Variants in PPP4R3B observed in about 807,000 individuals in gnomAD.
The protein encoded by PPP4R3B is protein phosphatase 4 regulatory subunit 3B, also known as serine/threonine-protein phosphatase 4 regulatory subunit 3B.
A neutral mutation model predicts 95.4 loss-of-function variants in PPP4R3B; 52 were observed. The ratio of observed to expected loss-of-function variants is 0.54; its 90% CI spans 0.44 to 0.69. PPP4R3B has a LOEUF of 0.69. Among genes scored for constraint, PPP4R3B ranks in the 30% least tolerant of loss-of-function variants. PPP4R3B has a pLI of 0.00. For synonymous variants in PPP4R3B, 407 were observed against 343.9 expected (o/e 1.18, Z -2.03); for missense variants, 1,003 against 1,005.9 (o/e 1.00, Z 0.04).
At chr2:55,573,583 T>C in intron 12 of PPP4R3B, 36 bp downstream of exon 12, 1 of 1,511,248 alleles carries the variant, frequency 6.6e-7, no homozygotes, top group Non-Finnish European at 8.8e-7. Flanking sequence ...TTTATCTCTA[T>C]TAAAAATGTT....
chr2:55,552,575 G>A (rs776994332), intron 16 of PPP4R3B, among the ~76,000 whole-genome samples: 12 of 152,198 alleles, frequency 7.9e-5, no homozygotes, highest in Non-Finnish European at 1.3e-4. Flanking sequence ...TGTATTTTTA[G>A]TAGAGATGGG....
chr2:55,572,892 T>G (rs936266656), intron 12 of PPP4R3B, among the ~76,000 whole-genome samples: 1 of 152,154 alleles, frequency 6.6e-6, no homozygotes, highest in East Asian at 1.9e-4. Flanking sequence ...GGAATAAAAT[T>G]AGTCTATACA....
intron 13 of PPP4R3B, among the ~76,000 whole-genome samples, chr2:55,566,559 C>T (rs1687319031): frequency 6.6e-6 from 1 of 152,166 alleles, no homozygotes; most frequent in Admixed American, 6.5e-5. Flanking sequence ...CCTCTTCATC[C>T]TTTTAAAAAT....
chr2:55,552,169 T>A (rs968756400), intron 16 of PPP4R3B, among the ~76,000 whole-genome samples: 1 of 152,122 alleles, frequency 6.6e-6, no homozygotes, highest in African/African-American at 2.4e-5. Context: ...ATAAAAATAA[T>A]AAAAATGCAA....
intron 15 of PPP4R3B, among the ~76,000 whole-genome samples, chr2:55,561,118 G>A (rs1021725367): frequency 4.6e-5 from 7 of 152,222 alleles, no homozygotes; most frequent in Non-Finnish European, 1.0e-4. Flanking sequence ...TGCATCCCAG[G>A]TGCTGCAGCT....
At chr2:55,590,419 T>C (rs949291106) in intron 4 of PPP4R3B, among the ~76,000 whole-genome samples, 7 of 152,186 alleles carry the variant, frequency 4.6e-5, no homozygotes, top group Admixed American at 3.9e-4. Flanking sequence ...TGCTTGCTGA[T>C]AGGTTATGAG....
chr2:55,548,663 G>T lies in PPP4R3B; in HGVS notation c.*1248C>A, dbSNP rs923023270. 1.3e-5 allele frequency: 2 copies of T among 152,560 alleles called. No individual in the cohort carries two copies. The highest frequency in any genetic ancestry group is 4.8e-5 in the African/African-American group (2 of 41,436). The allele number at this position is 152,560 out of a possible 1,614,324, so 9.5% of individuals were successfully genotyped here. On this transcript the variant is annotated 3_prime_UTR_variant, in exon 17 of 17. Transcript: ENST00000616407. Reference sequence around the variant, plus strand: ...TAACACATTACAAGGGTGATCTAAAGATTGTGGCTGGAATTACTGTTAAAG... The same window carrying T: ...TAACACATTACAAGGGTGATCTAAATATTGTGGCTGGAATTACTGTTAAAG...
intron 2 of PPP4R3B, among the ~76,000 whole-genome samples, chr2:55,613,437 T>C (rs1002150385): frequency 6.6e-6 from 1 of 152,088 alleles, no homozygotes; most frequent in African/African-American, 2.4e-5. Flanking sequence ...AGAAAACATT[T>C]CCAAATGGTG....
intron 2 of PPP4R3B, among the ~76,000 whole-genome samples, chr2:55,613,354 C>CA (rs552114971): frequency 0.25 from 33,280 of 134,486 alleles, 4,478 homozygotes; most frequent in African/African-American, 0.41. Context: ...GTTATGTTGC[C>CA]AAAAAAAAAA....
At chr2:55,564,799 A>T in intron 14 of PPP4R3B, 103 bp downstream of exon 14, 9 of 1,396,220 alleles carry the variant, frequency 6.4e-6, no homozygotes, top group South Asian at 2.5e-5. Flanking sequence ...CTATCCAGTG[A>T]TGGAAAGAAA....
intron 15 of PPP4R3B, 62 bp downstream of exon 15, chr2:55,564,251 A>T (rs1686994288): frequency 7.1e-7 from 1 of 1,402,750 alleles, no homozygotes. Context: ...TTCACAAAGC[A>T]ACAAAATAAT....
intron 13 of PPP4R3B, 25 bp downstream of exon 13, chr2:55,568,169 T>C (rs1431673989): frequency 3.5e-6 from 5 of 1,411,564 alleles, no homozygotes; most frequent in Middle Eastern, 2.0e-4. Context: ...TTACATATAA[T>C]AACAGCTGTT....
intron 12 of PPP4R3B, among the ~76,000 whole-genome samples, chr2:55,572,207 A>G (rs1484796154): frequency 7.7e-6 from 1 of 130,314 alleles, no homozygotes; most frequent in Non-Finnish European, 1.8e-5. Context: ...GAATATCTGC[A>G]TAATCTTAGG....
chr2:55,576,681 G>A (rs570851403), intron 11 of PPP4R3B, among the ~76,000 whole-genome samples: 7 of 152,252 alleles, frequency 4.6e-5, no homozygotes, highest in East Asian at 3.9e-4. Context: ...CAGCCTGGGC[G>A]ACAGAGTGAG....
intron 1 of PPP4R3B, 143 bp downstream of exon 1, chr2:55,617,001 T>C (rs1695043965): frequency 2.3e-6 from 2 of 867,660 alleles, no homozygotes; most frequent in South Asian, 3.9e-5. Flanking sequence ...TACAGTACTT[T>C]GTTTTTGCCG....
intron 8 of PPP4R3B, among the ~76,000 whole-genome samples, chr2:55,580,511 G>A (rs1689311516): frequency 6.6e-6 from 1 of 152,292 alleles, no homozygotes. Flanking sequence ...TTAAGCCCAT[G>A]TGATAGCAAC....
Position 55,580,776 on chromosome 2 carries a change from T to A in PPP4R3B, c.1365+791A>T, listed in dbSNP as rs572495421. 3.9e-5 allele frequency among the ~76,000 whole-genome samples: 6 copies of A among 152,334 alleles called. No individual in the cohort carries two copies. The South Asian group carries it at 8.3e-4, about 21-fold the overall frequency. On this transcript the variant is annotated intron_variant, in intron 8 of 16. Transcript: ENST00000616407. ...TTCTCTAAATATGAAGGAAATTTTA[T>A]AAAGAAAAATATCCCTCCATATTGA...
intron 13 of PPP4R3B, chr2:55,565,565 A>T (rs1687185856): frequency 6.6e-6 from 1 of 152,164 alleles, no homozygotes. Context: ...ATCATTACAC[A>T]TTCTATGCAT....
chr2:55,564,898 A>G lies in PPP4R3B; in HGVS notation c.2075+4T>C. The G allele has an allele frequency of 3.7e-6, 6 of 1,609,434 alleles. No homozygotes were observed. Among genetic ancestry groups the G allele is most frequent in the Non-Finnish European group, 5.1e-6 (6 of 1,178,646 alleles). ...GCTATAAAAGCAGTATACTTAAACA[A>G]TACCTGTTCAGTTTCTGATTTTGTC... On this transcript the variant is annotated splice_donor_region_variant and intron_variant, in intron 14 of 16. Coordinates refer to ENST00000616407, the MANE Select transcript of PPP4R3B (RefSeq NM_001122964.3).
Sources: allele counts gnomAD v4.1 joint callset (sites outside exome capture counted in the v4.1 genomes callset), GRCh38; gene constraint gnomAD v4.1.1; transcripts MANE v1.5; gene names NCBI Gene and HGNC (gene_info 2026-07-23, HGNC 2026-07-21).